The following AGBL1 variants were observed in gnomAD, a reference collection of about 807,000 sequenced individuals.
AGBL1 encodes the protein cytosolic carboxypeptidase 4.
A neutral mutation model predicts 118.9 loss-of-function variants in AGBL1; 130 were observed. That is an observed-to-expected ratio of 1.09 (90% CI 0.95 to 1.26). AGBL1 has a LOEUF of 1.26. Among genes scored for constraint, AGBL1 ranks in the 50% most tolerant of loss-of-function variants. The probability of loss-of-function intolerance (pLI) is 0.00; values close to 1 mark genes in which losing one functional copy is unlikely to be tolerated. For synonymous variants in AGBL1, 555 were observed against 478.9 expected, an observed-to-expected ratio of 1.16 and a Z score of -2.08; for missense variants, 1,584 against 1,298.1, an observed-to-expected ratio of 1.22 and a Z score of -3.38.
At chr15:86,345,367 A>G (rs1176122231) in intron 17 of AGBL1, among the ~76,000 whole-genome samples, 3 of 152,230 alleles carry the variant, frequency 2.0e-5, no homozygotes, top group African/African-American at 7.2e-5. Context: ...TCAGCGAGCA[A>G]CATTAATTAT....
intron 22 of AGBL1, among the ~76,000 whole-genome samples, chr15:86,708,277 A>G (rs955936123): frequency 1.3e-5 from 2 of 152,218 alleles, no homozygotes; most frequent in Non-Finnish European, 2.9e-5. Flanking sequence ...TCATAAGGGC[A>G]GGGTTCTGAT....
At chr15:86,906,932 T>C (rs1405535694) in intron 22 of AGBL1, among the ~76,000 whole-genome samples, 155 bp from the exon 23 acceptor site, 1 of 152,182 alleles carries the variant, frequency 6.6e-6, no homozygotes, top group Admixed American at 6.5e-5. Context: ...TTCCAACCAA[T>C]TGAATGTGTT....
intron 11 of AGBL1, among the ~76,000 whole-genome samples, chr15:86,265,491 C>G (rs1039772593): frequency 6.6e-6 from 1 of 151,962 alleles, no homozygotes; most frequent in Non-Finnish European, 1.5e-5. Flanking sequence ...ACATTATTCT[C>G]CTTGAAAAAA....
At chr15:86,941,356 G>A (rs903180607) in intron 23 of AGBL1, among the ~76,000 whole-genome samples, 2 of 152,200 alleles carry the variant, frequency 1.3e-5, no homozygotes, top group Non-Finnish European at 2.9e-5. Flanking sequence ...AACAGTTATG[G>A]TAATATAAAT....
intron 21 of AGBL1, among the ~76,000 whole-genome samples, chr15:86,637,125 C>G (rs865900489): frequency 5.9e-5 from 9 of 151,992 alleles, no homozygotes; most frequent in African/African-American, 2.2e-4. Flanking sequence ...ATATTTGGTA[C>G]CTGCCCTCAT....
At chr15:86,511,244 A>G (rs989990245) in intron 18 of AGBL1, among the ~76,000 whole-genome samples, 7 of 152,092 alleles carry the variant, frequency 4.6e-5, no homozygotes, top group Admixed American at 2.6e-4. Context: ...GCTTATGGTC[A>G]GGTGACAGCA....
At chr15:86,877,736 C>T (rs2079831021) in intron 22 of AGBL1, among the ~76,000 whole-genome samples, 1 of 152,160 alleles carries the variant, frequency 6.6e-6, no homozygotes, top group South Asian at 2.1e-4. Flanking sequence ...GCCCAAGGGA[C>T]ACTTACTGCT....
At chr15:86,447,333 G>A (rs368103512) in intron 18 of AGBL1, among the ~76,000 whole-genome samples, 20 of 152,272 alleles carry the variant, frequency 1.3e-4, no homozygotes, top group South Asian at 8.3e-4. Flanking sequence ...TGTGTGAGCC[G>A]CGGAATTGTA....
chr15:86,509,801 A>G lies in AGBL1; in HGVS notation c.2556-13009A>G, dbSNP rs1438785963. On this transcript the variant is annotated intron_variant, in intron 18 of 22. Coordinates refer to ENST00000614907, the MANE Select transcript of AGBL1 (RefSeq NM_001386094.1). ...ATTAGCATTTTCAAAGGAGAAAGTC[A>G]CCTTGGATAGAGATCATGTGTTCTA... is the stretch of plus-strand genomic sequence containing the variant. Among the ~76,000 whole-genome samples the G allele has an allele frequency of 4.6e-5, 7 of 152,236 alleles. No homozygotes were observed. The East Asian group carries it at 1.4e-3, about 30-fold the overall frequency.
At chr15:86,457,035 T>C (rs1305056874) in intron 18 of AGBL1, among the ~76,000 whole-genome samples, 1 of 152,154 alleles carries the variant, frequency 6.6e-6, no homozygotes. Context: ...GTAAACTAAA[T>C]GGACAAAATC....
At chr15:86,321,404 C>A (rs12437556) in intron 17 of AGBL1, among the ~76,000 whole-genome samples, 2 of 151,662 alleles carry the variant, frequency 1.3e-5, no homozygotes, top group Non-Finnish European at 2.9e-5. Flanking sequence ...CAAGTTCTTC[C>A]GCTTGTGTAA....
intron 17 of AGBL1, among the ~76,000 whole-genome samples, chr15:86,356,808 GGAT>G (rs2080728740): frequency 6.6e-6 from 1 of 152,170 alleles, no homozygotes. Flanking sequence ...CTTCTGTGGA[GGAT>G]GCTGGAGAAG....
intron 18 of AGBL1, among the ~76,000 whole-genome samples, chr15:86,418,801 T>G (rs1015973667): frequency 6.6e-6 from 1 of 152,150 alleles, no homozygotes; most frequent in Non-Finnish European, 1.5e-5. Context: ...GTCCTCAGAA[T>G]AGATCATTCA....
rs1167689809 is a variant in AGBL1 at position 86,912,390 on chromosome 15, C to T, written c.*5096C>T. The T allele has an allele frequency of 1.3e-5, 2 of 152,202 alleles. No homozygotes were observed. The highest frequency in any genetic ancestry group is 1.9e-4 in the East Asian group (1 of 5,188). The allele number at this position is 152,202 out of a possible 1,614,324, so 9.4% of individuals were successfully genotyped here. On this transcript the variant is annotated 3_prime_UTR_variant, in exon 23 of 23. Transcript: ENST00000614907. ...CCAGGGGCTCTGCCTCCTATGCTCC[C>T]TTTGGTGAGAACTGTCTGTGCAGCT...
intron 1 of AGBL1, among the ~76,000 whole-genome samples, chr15:86,136,652 C>T (rs943169761): frequency 6.6e-6 from 1 of 152,192 alleles, no homozygotes; most frequent in Admixed American, 6.5e-5. Context: ...CCATGATACT[C>T]TTGGTACATA....
At chr15:86,281,844 G>C (rs1484131569) in intron 16 of AGBL1, among the ~76,000 whole-genome samples, 1 of 152,186 alleles carries the variant, frequency 6.6e-6, no homozygotes, top group East Asian at 1.9e-4. Context: ...AGTCCATGTA[G>C]TCATCATTGT....
intron 17 of AGBL1, among the ~76,000 whole-genome samples, chr15:86,366,400 A>G (rs1011638332): frequency 2.0e-5 from 3 of 152,182 alleles, no homozygotes; most frequent in East Asian, 1.9e-4. Flanking sequence ...ATCATATCCT[A>G]TATGATGCTG....
intron 22 of AGBL1, among the ~76,000 whole-genome samples, chr15:86,888,977 A>G (rs2080012349): frequency 6.6e-6 from 1 of 152,192 alleles, no homozygotes; most frequent in South Asian, 2.1e-4. Context: ...TAAGAGTTAT[A>G]TAACAAGTAA....
intron 21 of AGBL1, among the ~76,000 whole-genome samples, chr15:86,625,391 T>G (rs560139939): frequency 2.1e-4 from 27 of 126,878 alleles, no homozygotes; most frequent in African/African-American, 7.5e-4. Flanking sequence ...TTTTGTTTTT[T>G]TTTTTTTTTA....
Sources: gnomAD v4.1 joint callset for allele counts (sites outside exome capture counted in the v4.1 genomes callset) on GRCh38, gnomAD v4.1.1 for gene constraint, MANE v1.5 for transcripts, NCBI Gene and HGNC (gene_info 2026-07-23, HGNC 2026-07-21) for gene names.